The following MYPN variants were observed in gnomAD, a reference collection of about 807,000 sequenced individuals.
MYPN encodes myopalladin.
A neutral mutation model predicts 129.4 loss-of-function variants in MYPN; 63 were observed. The ratio of observed to expected loss-of-function variants is 0.49; its 90% confidence interval spans 0.40 to 0.60. The LOEUF is 0.60. Ranked by LOEUF, MYPN falls within the 20% of genes least tolerant of loss-of-function variation. The probability of loss-of-function intolerance (pLI) is 0.00; values close to 1 mark genes in which losing one functional copy is unlikely to be tolerated. For synonymous variants in MYPN, 629 were observed against 600.9 expected (o/e 1.05, Z -0.68); for missense variants, 1,596 against 1,635.4 (o/e 0.98, Z 0.42).
intron 12 of MYPN, among the ~76,000 whole-genome samples, chr10:68,175,850 G>A (rs908868905): frequency 2.6e-5 from 4 of 152,084 alleles, no homozygotes; most frequent in Non-Finnish European, 5.9e-5. Context: ...GACCTCCTGG[G>A]CTCAAGTGTT....
chr10:68,191,032 T>C (rs1194755983), intron 13 of MYPN, among the ~76,000 whole-genome samples: 1 of 152,176 alleles, frequency 6.6e-6, no homozygotes, highest in Non-Finnish European at 1.5e-5. Flanking sequence ...CTCTATTCTG[T>C]TCCATTGGTC....
At chr10:68,184,319 G>C (rs1393762733) in intron 12 of MYPN, among the ~76,000 whole-genome samples, 1 of 152,190 alleles carries the variant, frequency 6.6e-6, no homozygotes, top group East Asian at 1.9e-4. Context: ...ATAGGAACAA[G>C]GGCCATTCGT....
chr10:68,122,005 C>G lies in MYPN; in HGVS notation c.567C>G (p.Asn189Lys). ...KNHKSKLESQ[N>K]KVMQENSSSF... ...ACAAGAGTAAACTGGAATCTCAAAA[C>G]AAAGTTATGCAGGAAAACAGCTCCA... Residue 189 changes from asparagine to lysine, a missense_variant, in exon 2 of 20, where the codon AAC becomes AAG. Physicochemically the swap from Asn to Lys is moderately conservative, Grantham distance 94. Transcript: ENST00000358913. 6.2e-7 allele frequency: 1 copy of G among 1,614,168 alleles called. No homozygotes were observed.
chr10:68,182,384 CATATATAACATATATATAACACAT>C lies in MYPN; in HGVS notation c.2704-6475_2704-6452del, dbSNP rs1564686937. Among the ~76,000 whole-genome samples the C allele has an allele frequency of 9.9e-4, 93 of 93,954 alleles. 1 individual carries two copies. Among genetic ancestry groups the C allele is most frequent in the East Asian group, 4.4e-3 (16 of 3,636 alleles). 61.6% of individuals were successfully genotyped at this position (93,954 alleles called of 152,430 possible). On this transcript the variant is annotated intron_variant, in intron 12 of 19. Transcript: ENST00000358913. ...ACACATATATATAACATATATAACA[CATATATAACATATATATAACACAT>C]ATATATAACATATATATAACACATA...
intron 1 of MYPN, among the ~76,000 whole-genome samples, chr10:68,100,981 C>T (rs1338884164): frequency 2.6e-5 from 4 of 152,110 alleles, no homozygotes; most frequent in East Asian, 3.8e-4. Flanking sequence ...TTTCCTGGCA[C>T]ATGATAAGTT....
intron 4 of MYPN, among the ~76,000 whole-genome samples, chr10:68,146,740 G>T (rs2042672981): frequency 6.6e-6 from 1 of 152,136 alleles, no homozygotes; most frequent in Non-Finnish European, 1.5e-5. Context: ...AGAAATAAAG[G>T]CTTGTCAGCC....
At chr10:68,168,324 G>A (rs530998924) in intron 10 of MYPN, among the ~76,000 whole-genome samples, 7 of 152,274 alleles carry the variant, frequency 4.6e-5, no homozygotes, top group Admixed American at 2.0e-4. Context: ...CAGGGAACAG[G>A]TAACCCCAAA....
At chr10:68,182,905 T>TTTC (rs2134237096) in intron 12 of MYPN, among the ~76,000 whole-genome samples, 1 of 152,348 alleles carries the variant, frequency 6.6e-6, no homozygotes, top group South Asian at 2.1e-4. Context: ...GCCAAGTGTG[T>TTTC]ATTTACTATA....
intron 1 of MYPN, among the ~76,000 whole-genome samples, chr10:68,117,290 C>CA (rs57787880): frequency 0.48 from 71,014 of 148,736 alleles, 17,867 homozygotes; most frequent in African/African-American, 0.67. Context: ...CACATAAATT[C>CA]AAAAAAAAAA....
chr10:68,156,779 G>A (rs570720935), intron 6 of MYPN, among the ~76,000 whole-genome samples: 4 of 152,272 alleles, frequency 2.6e-5, no homozygotes, highest in African/African-American at 7.2e-5. Flanking sequence ...GAGAAAAAAC[G>A]ATTGGCTTTC....
chr10:68,210,630 G>A lies in MYPN; in HGVS notation c.*175G>A. 1 of 743,568 alleles carries A rather than the reference G, an allele frequency of 1.3e-6. No homozygotes were observed. The highest frequency in any genetic ancestry group is 2.4e-6 in the Non-Finnish European group (1 of 421,990). 46.1% of individuals were successfully genotyped at this position (743,568 alleles called of 1,614,324 possible). A position where few individuals can be genotyped will look rare whatever the true frequency, so the allele number is the denominator to read the frequency against. On this transcript the variant is annotated 3_prime_UTR_variant, in exon 20 of 20. Transcript: ENST00000358913. ...GATTCTTGCAGTCTCAGCTGAGGGA[G>A]AAAGGTAGGGCTGTGCCTTCTAAAG...
At chr10:68,105,725 T>G (rs79315909), upstream of MYPN, among the ~76,000 whole-genome samples, 3,694 of 152,286 alleles carry the variant, frequency 0.024, 154 homozygotes, top group African/African-American at 0.083. Context: ...AATTGATTGT[T>G]TTTTCGTATT....
intron 5 of MYPN, among the ~76,000 whole-genome samples, chr10:68,149,734 C>A (rs903099773): frequency 6.6e-6 from 1 of 152,166 alleles, no homozygotes; most frequent in Admixed American, 6.5e-5. Context: ...AAACTGTGAT[C>A]TGTGTAGCCC....
upstream of MYPN, among the ~76,000 whole-genome samples, chr10:68,102,788 G>A (rs762346341): frequency 6.6e-6 from 1 of 151,952 alleles, no homozygotes; most frequent in African/African-American, 2.4e-5. Context: ...AATATTGTCA[G>A]GCCAGTGGAC....
chr10:68,148,479 C>A lies in MYPN; in HGVS notation c.1245+12C>A. ...CAACCATCCAGCAGGTACAAGAATCCAAGCGAAACACAAGTGCCATCCACT... is the reference window on the plus strand; with the variant it reads ...CAACCATCCAGCAGGTACAAGAATCAAAGCGAAACACAAGTGCCATCCACT... On this transcript the variant is annotated intron_variant, in intron 5 of 19. Coordinates refer to ENST00000358913, the MANE Select transcript of MYPN (RefSeq NM_032578.4). 6.2e-7 allele frequency: 1 copy of A among 1,600,488 alleles called. No homozygotes were observed. The highest frequency in any genetic ancestry group is 8.6e-7 in the Non-Finnish European group (1 of 1,167,714).
chr10:68,168,150 T>C (rs1490216948), intron 10 of MYPN, among the ~76,000 whole-genome samples: 1 of 152,216 alleles, frequency 6.6e-6, no homozygotes, highest in East Asian at 1.9e-4. Flanking sequence ...ATGATCTGTG[T>C]CAAGTACCAC....
intron 12 of MYPN, among the ~76,000 whole-genome samples, chr10:68,176,442 T>C (rs2043228671): frequency 6.6e-6 from 1 of 152,216 alleles, no homozygotes; most frequent in South Asian, 2.1e-4. Flanking sequence ...GTATGCCAAA[T>C]ATTGTGGAAT....
Position 68,206,728 on chromosome 10 carries a change from G to C in MYPN, c.3660-42G>C, listed in dbSNP as rs767972897. ...CCCTAAATTTGACAAAGGCATTTCT[G>C]CCCCCCGATAAAATATAGGTATATT... On this transcript the variant is annotated intron_variant, in intron 18 of 19. Coordinates refer to ENST00000358913, the MANE Select transcript of MYPN (RefSeq NM_032578.4). 1.9e-6 allele frequency: 3 copies of C among 1,613,476 alleles called. No homozygotes were observed. The African/African-American group carries it at 4.0e-5, about 22-fold the overall frequency.
At position 68,148,430 on chromosome 10, in the gene MYPN, A is replaced by T. The variant is rs547853362; in HGVS notation, c.1208A>T (p.His403Leu). Residue 403 changes from histidine (H) to leucine (L), a missense_variant, in exon 5 of 20, where the codon CAT (histidine) becomes CTT (leucine). His to Leu is a moderately conservative substitution (Grantham distance 99). Coordinates refer to ENST00000358913, the MANE Select transcript of MYPN (RefSeq NM_032578.4). ...CCTCCAGCAGTACCCCAAGCCCAGCATTTGGTGGCCCAACCTCGTGTGGCA... is the reference window on the plus strand; with the variant it reads ...CCTCCAGCAGTACCCCAAGCCCAGCTTTTGGTGGCCCAACCTCGTGTGGCA... ...VIPPAVPQAQ[H>L]LVAQPRVATI... 6.2e-7 allele frequency: 1 copy of T among 1,614,176 alleles called. No individual in the cohort carries two copies. Among genetic ancestry groups the T allele is most frequent in the African/African-American group, 1.3e-5 (1 of 75,044 alleles).
Sources: allele counts gnomAD v4.1 joint callset (sites outside exome capture counted in the v4.1 genomes callset), GRCh38; gene constraint gnomAD v4.1.1; transcripts MANE v1.5; gene names NCBI Gene and HGNC (gene_info 2026-07-23, HGNC 2026-07-21).